Variants in STC2 observed in about 807,000 individuals in gnomAD.
STC2 encodes the protein stanniocalcin-2.
In STC2, 7 loss-of-function variants were observed where a neutral mutation model predicts 22.7. The ratio of observed to expected loss-of-function variants is 0.31; its 90% CI spans 0.18 to 0.58. The LOEUF is 0.58. STC2 is among the 20% of genes least tolerant of loss of function. The probability of loss-of-function intolerance (pLI) is 0.89; values close to 1 mark genes in which losing one functional copy is unlikely to be tolerated. For synonymous variants in STC2, 158 were observed against 163.4 expected, an observed-to-expected ratio of 0.97 and a Z score of 0.25; for missense variants, 336 against 406.2, an observed-to-expected ratio of 0.83 and a Z score of 1.48.
At chr5:173,318,410 C>T (rs2113130125) in intron 3 of STC2, among the ~76,000 whole-genome samples, 161 bp from the exon 4 acceptor site, 1 of 152,236 alleles carries the variant, frequency 6.6e-6, no homozygotes, top group South Asian at 2.1e-4. Flanking sequence ...TCTCAAATGA[C>T]TTCAAGCCTT....
chr5:173,317,767 T>C lies in STC2; in HGVS notation c.*80A>G. On this transcript the variant is annotated 3_prime_UTR_variant, in exon 4 of 4. Coordinates refer to ENST00000265087, the MANE Select transcript of STC2 (RefSeq NM_003714.3). Reference sequence around the variant, plus strand: ...TCCTGCGTGTGACATCCCCCCTCTCTAATGGTAAATGTTTTGGAATGTCCA... The same window carrying C: ...TCCTGCGTGTGACATCCCCCCTCTCCAATGGTAAATGTTTTGGAATGTCCA... The C allele has an allele frequency of 6.8e-7, 1 of 1,479,144 alleles. No homozygotes were observed. Among genetic ancestry groups the C allele is most frequent in the Admixed American group, 2.3e-5 (1 of 44,258 alleles). 91.6% of individuals were successfully genotyped at this position (1,479,144 alleles called of 1,614,324 possible).
At chr5:173,318,336 G>A in intron 3 of STC2, 87 bp from the exon 4 acceptor site, 1 of 1,282,240 alleles carries the variant, frequency 7.8e-7, no homozygotes, top group Non-Finnish European at 1.0e-6. Flanking sequence ...GGACCACAGA[G>A]GGCAGGGGCA....
rs1481938973 is a variant in STC2, at chr5:173,317,568, C to T, written c.*279G>A. On this transcript the variant is annotated 3_prime_UTR_variant, in exon 4 of 4. Coordinates refer to ENST00000265087, the MANE Select transcript of STC2 (RefSeq NM_003714.3). ...CAACAGAGCGGCCGACACCCACTGA[C>T]TCCACAGATGGAAAGAAGACAAAGG... The T allele has an allele frequency of 3.9e-6, 1 of 255,978 alleles. No homozygotes were observed. Among genetic ancestry groups the T allele is most frequent in the South Asian group, 1.3e-4 (1 of 7,828 alleles). 15.9% of individuals were successfully genotyped at this position (255,978 alleles called of 1,614,324 possible). A position where few individuals can be genotyped will look rare whatever the true frequency, so the allele number is the denominator to read the frequency against.
chr5:173,318,266 AAGAGAGAGAGAGAGAG>A lies in STC2; in HGVS notation c.507-33_507-18del, dbSNP rs4041247. ...ACGTAGGGTCTAAAGATTGAAAGCA[AAGAGAGAGAGAGAGAG>A]AGAGAGAGAGAGAGAGAGGCTGGGA... On this transcript the variant is annotated intron_variant, in intron 3 of 3. Coordinates refer to ENST00000265087, the MANE Select transcript of STC2 (RefSeq NM_003714.3). 28 of 1,235,838 alleles carry A rather than the reference AAGAGAGAGAGAGAGAG, an allele frequency of 2.3e-5. No homozygotes were observed. Among genetic ancestry groups the A allele is most frequent in the African/African-American group, 1.8e-4 (10 of 55,978 alleles). 76.6% of individuals were successfully genotyped at this position (1,235,838 alleles called of 1,614,324 possible).
intron 1 of STC2, 29 bp from the exon 2 acceptor site, chr5:173,326,039 A>T: frequency 6.2e-7 from 1 of 1,612,318 alleles, no homozygotes; most frequent in East Asian, 2.2e-5. Flanking sequence ...ACAAATATAT[A>T]CAAAACTCTA....
In STC2 at chr5:173,323,505, G is replaced by A; in HGVS notation, c.295-75C>T. On this transcript the variant is annotated intron_variant, in intron 2 of 3. Coordinates refer to ENST00000265087, the MANE Select transcript of STC2 (RefSeq NM_003714.3). The surrounding 1 kb of genome is among the most constrained non-coding windows in gnomAD (Gnocchi z 5.4). ...CCTCGTTACATGCTTGGACATTTCA[G>A]CCCTTCTTGGGCTTACACAGGATAT... 7.2e-7 allele frequency: 1 copy of A among 1,386,100 alleles called. No individual in the cohort carries two copies. The highest frequency in any genetic ancestry group is 9.9e-7 in the Non-Finnish European group (1 of 1,006,048). 85.9% of individuals were successfully genotyped at this position (1,386,100 alleles called of 1,614,324 possible).
chr5:173,325,749 A>G lies in STC2; in HGVS notation c.294+119T>C. ...GTTTTATACCTAGACTGTCGCTTGC[A>G]AGCACTAAAACACACCACAAGGAAC... is the stretch of plus-strand genomic sequence containing the variant. On this transcript the variant is annotated intron_variant, in intron 2 of 3. Coordinates refer to ENST00000265087, the MANE Select transcript of STC2 (RefSeq NM_003714.3). The surrounding 1 kb of genome is among the most constrained non-coding windows in gnomAD (Gnocchi z 4.7). 1 of 1,387,940 alleles carries G rather than the reference A, an allele frequency of 7.2e-7. No homozygotes were observed. Among genetic ancestry groups the G allele is most frequent in the Non-Finnish European group, 1.0e-6 (1 of 997,944 alleles). The allele number at this position is 1,387,940 out of a possible 1,614,324, so 86.0% of individuals were successfully genotyped here.
At chr5:173,326,134 A>G in intron 1 of STC2, 124 bp from the exon 2 acceptor site, 2 of 1,147,586 alleles carry the variant, frequency 1.7e-6, no homozygotes, top group Middle Eastern at 2.3e-4. Flanking sequence ...AGACTTAGTA[A>G]TGACTATTTC....
chr5:173,326,007 T>C lies in STC2; in HGVS notation c.155A>G (p.Glu52Gly), dbSNP rs62636573. 6.8e-6 allele frequency: 11 copies of C among 1,613,944 alleles called. No homozygotes were observed. The highest frequency in any genetic ancestry group is 8.5e-6 in the Non-Finnish European group (10 of 1,179,884). ...KGRLSLQNTAEIQHCLVNAGD... is the reference protein window; with the variant it reads ...KGRLSLQNTAGIQHCLVNAGD... ...AGCGTTGACCAAACAGTGCTGGATC[T>C]CCGCTAAAAGGAAAATCACATACAA... Residue 52 changes from glutamate to glycine, a missense_variant, in exon 2 of 4, where the codon GAG becomes GGG. By Grantham distance (98) the Glu-to-Gly change is moderately conservative. Coordinates refer to ENST00000265087, the MANE Select transcript of STC2 (RefSeq NM_003714.3).
intron 2 of STC2, chr5:173,324,119 T>C (rs527876282): frequency 6.5e-6 from 1 of 152,792 alleles, no homozygotes; most frequent in East Asian, 1.9e-4. Context: ...GAGTCTGAAC[T>C]GCCGCACTGG....
rs762933614 is a variant in STC2 at position 173,328,217 on chromosome 5, C to T, written c.-24G>A. The T allele has an allele frequency of 1.4e-6, 2 of 1,438,028 alleles. No individual in the cohort carries two copies. The highest frequency in any genetic ancestry group is 3.2e-5 in the South Asian group (2 of 62,262). The allele number at this position is 1,438,028 out of a possible 1,614,324, so 89.1% of individuals were successfully genotyped here. On this transcript the variant is annotated 5_prime_UTR_variant, in exon 1 of 4. Coordinates refer to ENST00000265087, the MANE Select transcript of STC2 (RefSeq NM_003714.3). The stretch of plus-strand genomic sequence containing the variant: ...ATGGTTCTTGGTATTAACCTCCCGT[C>T]GGGAGACCTGGATCCTTTGTGCTCC...
At position 173,325,345 on chromosome 5, in the gene STC2, A is replaced by C. The variant is rs1312757545; in HGVS notation, c.294+523T>G. On this transcript the variant is annotated intron_variant, in intron 2 of 3. Transcript: ENST00000265087. This position sits in a 1 kb window ranked among gnomAD's most constrained non-coding sequence, Gnocchi z 4.7. The stretch of plus-strand genomic sequence containing the variant: ...GACTATATTTATCATATAGAGCAAA[A>C]GGAAAGTGTGGAACTGAAGGACTCA... Among the ~76,000 whole-genome samples, 1 of 152,172 alleles carries C rather than the reference A, an allele frequency of 6.6e-6. No homozygotes were observed. Among genetic ancestry groups the C allele is most frequent in the African/African-American group, 2.4e-5 (1 of 41,438 alleles).
rs1762504350 is a variant in STC2 at position 173,323,031 on chromosome 5, C to T, written c.506+188G>A. ...ATTTTGAGACTGATGAGGGAATTCTCTCTTTTCCTAAAAGCCAGCAGGAAA... is the reference window on the plus strand; with the variant it reads ...ATTTTGAGACTGATGAGGGAATTCTTTCTTTTCCTAAAAGCCAGCAGGAAA... On this transcript the variant is annotated intron_variant, in intron 3 of 3. Transcript: ENST00000265087. This position sits in a 1 kb window ranked among gnomAD's most constrained non-coding sequence, Gnocchi z 5.4. 1.7e-6 allele frequency: 1 copy of T among 605,742 alleles called. No homozygotes were observed. Among genetic ancestry groups the T allele is most frequent in the African/African-American group, 1.9e-5 (1 of 53,866 alleles). The allele number at this position is 605,742 out of a possible 1,614,324, so 37.5% of individuals were successfully genotyped here. A position where few individuals can be genotyped will look rare whatever the true frequency, so the allele number is the denominator to read the frequency against.
intron 3 of STC2, 137 bp from the exon 4 acceptor site, chr5:173,318,386 C>T (rs920020143): frequency 9.9e-6 from 9 of 905,106 alleles, no homozygotes; most frequent in Admixed American, 3.8e-5. Flanking sequence ...GTCTTGGGTT[C>T]GGTGGAAGAT....
chr5:173,323,892 C>T lies in STC2; in HGVS notation c.295-462G>A. The T allele has an allele frequency of 4.7e-5, 8 of 168,720 alleles. No individual in the cohort carries two copies. Among genetic ancestry groups the T allele is most frequent in the South Asian group, 3.1e-4 (2 of 6,398 alleles). 10.5% of individuals were successfully genotyped at this position (168,720 alleles called of 1,614,324 possible). A position where few individuals can be genotyped will look rare whatever the true frequency, so the allele number is the denominator to read the frequency against. Reference sequence around the variant, plus strand: ...TGCATGTCCAAATCTCACACGTTTCCTTTTTCCCTTGATTCCAGGGGCGAC... The same window carrying T: ...TGCATGTCCAAATCTCACACGTTTCTTTTTTCCCTTGATTCCAGGGGCGAC... On this transcript the variant is annotated intron_variant, in intron 2 of 3. Coordinates refer to ENST00000265087, the MANE Select transcript of STC2 (RefSeq NM_003714.3). This position sits in a 1 kb window ranked among gnomAD's most constrained non-coding sequence, Gnocchi z 5.4.
intron 2 of STC2, among the ~76,000 whole-genome samples, chr5:173,324,504 T>A (rs1762522605): frequency 6.6e-6 from 1 of 152,214 alleles, no homozygotes; most frequent in Non-Finnish European, 1.5e-5. Flanking sequence ...CATAGAAATG[T>A]CTACAGATAG....
rs765703541 is a variant in STC2 at position 173,318,173 on chromosome 5, C to T, written c.583G>A (p.Val195Ile). Residue 195 changes from valine (V) to isoleucine (I), a missense_variant, in exon 4 of 4, where the codon GTT (valine) becomes ATT (isoleucine). Coordinates refer to ENST00000265087, the MANE Select transcript of STC2 (RefSeq NM_003714.3). ...VKEAITHSVQ[V>I]QCEQNWGSLC... is the part of the protein sequence containing the mutation. ...CTTCCCCAGTTCTGCTCACACTGAA[C>T]CTGCACGCTGTGGGTGATGGCCTCC... 4 of 1,584,728 alleles carry T rather than the reference C, an allele frequency of 2.5e-6. No homozygotes were observed. The highest frequency in any genetic ancestry group is 1.4e-5 in the African/African-American group (1 of 73,460).
chr5:173,327,855 C>A (rs1443886364), intron 1 of STC2, among the ~76,000 whole-genome samples, 188 bp downstream of exon 1: 1 of 152,236 alleles, frequency 6.6e-6, no homozygotes, highest in Non-Finnish European at 1.5e-5. Context: ...CGTGCAGATT[C>A]CGGGCCCTCG....
intron 3 of STC2, among the ~76,000 whole-genome samples, chr5:173,321,689 C>G (rs975421748): frequency 1.3e-5 from 2 of 152,186 alleles, no homozygotes; most frequent in African/African-American, 4.8e-5. Context: ...GTTCTCTAAT[C>G]TCTTAGCTTC....
Sources: gnomAD v4.1 joint callset for allele counts (sites outside exome capture counted in the v4.1 genomes callset) on GRCh38, gnomAD v4.1.1 for gene constraint, Gnocchi (gnomAD v3.1) non-coding constraint, MANE v1.5 for transcripts, NCBI Gene and HGNC (gene_info 2026-07-23, HGNC 2026-07-21) for gene names.